The following ATP2B1 variants were observed in gnomAD, a reference collection of about 807,000 sequenced individuals.
ATP2B1 encodes ATPase plasma membrane Ca2+ transporting 1, also known as plasma membrane calcium-transporting ATPase 1.
In ATP2B1, 14 loss-of-function variants were observed where a neutral mutation model predicts 124.2. That is an observed-to-expected ratio of 0.11 (90% CI 0.07 to 0.18). The LOEUF (loss-of-function observed/expected upper bound fraction) is 0.18, where lower values mean the gene tolerates loss of function less well. Ranked by LOEUF, ATP2B1 falls within the 10% of genes least tolerant of loss-of-function variation. The pLI is 1.00. For missense variants in ATP2B1, 763 were observed against 1,466.1 expected, an observed-to-expected ratio of 0.52 and a Z score of 7.83; for synonymous variants, 449 against 492.4, an observed-to-expected ratio of 0.91 and a Z score of 1.17.
intron 12 of ATP2B1, among the ~76,000 whole-genome samples, chr12:89,613,872 T>C (rs1878490198): frequency 6.6e-6 from 1 of 152,218 alleles, no homozygotes. Flanking sequence ...ACATATGTAA[T>C]AAAAACTGGA....
chr12:89,598,077 A>C (rs931202279), intron 20 of ATP2B1, among the ~76,000 whole-genome samples: 1 of 145,210 alleles, frequency 6.9e-6, no homozygotes, highest in East Asian at 2.1e-4. Context: ...AAGCAAGGCA[A>C]AGTTCAGGTT....
At chr12:89,701,168 G>C (rs1167062663) in intron 1 of ATP2B1, among the ~76,000 whole-genome samples, 1 of 152,168 alleles carries the variant, frequency 6.6e-6, no homozygotes, top group African/African-American at 2.4e-5. Flanking sequence ...AGCAGGTCAT[G>C]ATCTAACAGT....
Position 89,590,853 on chromosome 12 carries a change from A to C in ATP2B1, c.*131T>G. On this transcript the variant is annotated 3_prime_UTR_variant, in exon 21 of 21. Coordinates refer to ENST00000428670, the MANE Select transcript of ATP2B1 (RefSeq NM_001366521.1). ...TTTTTTTTTAAAAAAATAAATCTAC[A>C]TTCGTACAAGTGTGTCTTCTGTTGA... 1.1e-6 allele frequency: 1 copy of C among 951,976 alleles called. No homozygotes were observed. 59.0% of individuals were successfully genotyped at this position (951,976 alleles called of 1,614,324 possible).
chr12:89,611,484 A>G, intron 12 of ATP2B1, 112 bp from the exon 13 acceptor site: 5 of 814,026 alleles, frequency 6.1e-6, no homozygotes, highest in African/African-American at 1.8e-5. Context: ...GATGACAATG[A>G]TACAATGACT....
chr12:89,602,946 C>T (rs752565983), intron 18 of ATP2B1, 97 bp downstream of exon 18: 28 of 1,076,240 alleles, frequency 2.6e-5, no homozygotes, highest in Non-Finnish European at 3.7e-5. Context: ...GCAACAGTTC[C>T]ACACATGTTC....
At chr12:89,653,027 G>C (rs1885459792) in intron 2 of ATP2B1, among the ~76,000 whole-genome samples, 1 of 152,048 alleles carries the variant, frequency 6.6e-6, no homozygotes, top group South Asian at 2.1e-4. Flanking sequence ...CTGCACTGCT[G>C]TTTTCATTTG....
At chr12:89,634,938 A>G in intron 4 of ATP2B1, 35 bp from the exon 5 acceptor site, 3 of 1,610,260 alleles carry the variant, frequency 1.9e-6, no homozygotes, top group Non-Finnish European at 2.5e-6. Flanking sequence ...AAACTTATAA[A>G]CAAGATTACA....
chr12:89,682,113 C>G (rs909060909), intron 1 of ATP2B1, among the ~76,000 whole-genome samples: 1 of 151,944 alleles, frequency 6.6e-6, no homozygotes, highest in African/African-American at 2.4e-5. Context: ...CAAAATATAA[C>G]AGAAAACTCC....
At chr12:89,695,350 A>C (rs770145409) in intron 1 of ATP2B1, among the ~76,000 whole-genome samples, 2 of 152,142 alleles carry the variant, frequency 1.3e-5, no homozygotes, top group Non-Finnish European at 2.9e-5. Context: ...AAAGCTCTAC[A>C]TAACAGTCTC....
intron 12 of ATP2B1, 114 bp from the exon 13 acceptor site, chr12:89,611,486 A>G: frequency 1.3e-6 from 1 of 797,766 alleles, no homozygotes; most frequent in East Asian, 2.9e-5. Flanking sequence ...TGACAATGAT[A>G]CAATGACTTA....
chr12:89,614,900 G>C (rs1169442596), intron 12 of ATP2B1, among the ~76,000 whole-genome samples: 1 of 152,046 alleles, frequency 6.6e-6, no homozygotes, highest in Non-Finnish European at 1.5e-5. Flanking sequence ...TGGGATCACT[G>C]CAATAATCTC....
chr12:89,626,440 T>C lies in ATP2B1; in HGVS notation c.1129+14A>G, dbSNP rs777681050. 1 of 1,581,614 alleles carries C rather than the reference T, an allele frequency of 6.3e-7. No individual in the cohort carries two copies. The highest frequency in any genetic ancestry group is 8.6e-7 in the Non-Finnish European group (1 of 1,169,050). On this transcript the variant is annotated intron_variant, in intron 8 of 20. Transcript: ENST00000428670. The stretch of plus-strand genomic sequence containing the variant: ...TTAAAAATAAAACACTTTATTTTCT[T>C]CTCTATATCATACCTGCTTTGCCAA...
intron 1 of ATP2B1, among the ~76,000 whole-genome samples, chr12:89,704,073 A>G (rs145891178): frequency 4.1e-4 from 63 of 152,330 alleles, no homozygotes; most frequent in African/African-American, 1.4e-3. Flanking sequence ...CTCATTTGGA[A>G]CCTTTTAAAC....
At chr12:89,690,690 C>T (rs1361492100) in intron 1 of ATP2B1, among the ~76,000 whole-genome samples, 3 of 151,990 alleles carry the variant, frequency 2.0e-5, no homozygotes, top group Admixed American at 6.6e-5. Context: ...CTACTACAGA[C>T]CTTAACTATT....
At chr12:89,641,024 T>C (rs995046992) in intron 3 of ATP2B1, among the ~76,000 whole-genome samples, 3 of 152,306 alleles carry the variant, frequency 2.0e-5, no homozygotes, top group Admixed American at 2.0e-4. Context: ...AGCAAGTATC[T>C]CTTCACAACT....
chr12:89,624,644 A>G (rs1164746245), intron 8 of ATP2B1, among the ~76,000 whole-genome samples: 4 of 152,206 alleles, frequency 2.6e-5, no homozygotes, highest in African/African-American at 9.7e-5. Context: ...AGACTTAATT[A>G]TATCTTTGGC....
intron 1 of ATP2B1, among the ~76,000 whole-genome samples, chr12:89,656,404 A>G (rs1885961235): frequency 6.6e-6 from 1 of 152,206 alleles, no homozygotes; most frequent in South Asian, 2.1e-4. Flanking sequence ...GCACTATGCT[A>G]GTTGTTTTAA....
chr12:89,627,656 A>G, intron 7 of ATP2B1, 22 bp downstream of exon 7: 2 of 1,611,728 alleles, frequency 1.2e-6, no homozygotes, highest in Non-Finnish European at 1.7e-6. Context: ...AGCTCACTGT[A>G]CTTTTGTCCT....
At chr12:89,670,089 A>G (rs985840390) in intron 1 of ATP2B1, among the ~76,000 whole-genome samples, 26 of 152,270 alleles carry the variant, frequency 1.7e-4, no homozygotes, top group Non-Finnish European at 3.2e-4. Flanking sequence ...ATGACTAGGA[A>G]ATTAAATGCC....
Sources: allele counts gnomAD v4.1 joint callset (sites outside exome capture counted in the v4.1 genomes callset), GRCh38; gene constraint gnomAD v4.1.1; transcripts MANE v1.5; gene names NCBI Gene and HGNC (gene_info 2026-07-23, HGNC 2026-07-21).